SLC14A2: variants seen among roughly 807,000 people sequenced by gnomAD.
The protein encoded by SLC14A2 is urea transporter 2.
In SLC14A2, 91 loss-of-function variants were observed where a neutral mutation model predicts 104.6. The ratio of observed to expected loss-of-function variants is 0.87; its 90% CI spans 0.73 to 1.04. SLC14A2 has a LOEUF of 1.04. SLC14A2 is among the 50% of genes least tolerant of loss of function. SLC14A2 has a pLI of 0.00. For synonymous variants in SLC14A2, 476 were observed against 466.4 expected, an observed-to-expected ratio of 1.02 and a Z score of -0.27; for missense variants, 1,189 against 1,156.0, an observed-to-expected ratio of 1.03 and a Z score of -0.41.
chr18:45,603,602 A>G (rs1254453004), intron 2 of SLC14A2, among the ~76,000 whole-genome samples: 2 of 151,930 alleles, frequency 1.3e-5, no homozygotes, highest in African/African-American at 2.4e-5. Context: ...AGCCTTTTCT[A>G]TTCTCCTCCC....
chr18:45,500,300 G>A (rs373265899), intron 2 of SLC14A2, among the ~76,000 whole-genome samples: 7 of 152,116 alleles, frequency 4.6e-5, no homozygotes, highest in African/African-American at 7.2e-5. Context: ...CCCTTAGGCC[G>A]GGCGCGGTGG....
intron 1 of SLC14A2, among the ~76,000 whole-genome samples, chr18:45,236,153 G>A (rs1274920556): frequency 5.4e-5 from 3 of 55,214 alleles, no homozygotes; most frequent in African/African-American, 9.4e-5. Context: ...ATACATATAT[G>A]TGTGTATATA....
At chr18:45,397,644 G>T (rs572792704) in intron 1 of SLC14A2, among the ~76,000 whole-genome samples, 37 of 152,008 alleles carry the variant, frequency 2.4e-4, no homozygotes, top group Non-Finnish European at 4.9e-4. Flanking sequence ...AGTTTCTTTG[G>T]CTGTGCAGAA....
upstream of SLC14A2, chr18:45,615,286 G>A (rs1249349810): frequency 1.3e-5 from 2 of 152,188 alleles, no homozygotes; most frequent in Non-Finnish European, 2.9e-5. Context: ...AGAATGATAT[G>A]GTTTGGCTCT....
intron 2 of SLC14A2, among the ~76,000 whole-genome samples, chr18:45,504,980 A>G (rs897571422): frequency 6.6e-6 from 1 of 152,224 alleles, no homozygotes; most frequent in African/African-American, 2.4e-5. Context: ...AGATTTGGGA[A>G]AGAATCTGCT....
rs1174554159 is a variant in SLC14A2, at chr18:45,228,098, T to C, written c.-125+14907T>C. ...CTGTAAGACAAGAGAGAATCTTCCA[T>C]TGATTAAAGGGATTAAGGGTAAGAG... On this transcript the variant is annotated intron_variant, in intron 1 of 20. Transcript: ENST00000586448. Among the ~76,000 whole-genome samples the C allele has an allele frequency of 9.2e-5, 14 of 152,294 alleles. No individual in the cohort carries two copies. In the East Asian group the frequency reaches 2.5e-3, roughly 27 times the overall value.
At chr18:45,464,883 A>G (rs1009852505) in intron 1 of SLC14A2, among the ~76,000 whole-genome samples, 1 of 152,078 alleles carries the variant, frequency 6.6e-6, no homozygotes, top group East Asian at 1.9e-4. Flanking sequence ...CAGGAGAGAG[A>G]TGGTGGAGGT....
chr18:45,197,537 T>C, the SLC14A2 span, among the ~76,000 whole-genome samples: 2 of 152,230 alleles, frequency 1.3e-5, no homozygotes, highest in African/African-American at 4.8e-5. Context: ...AATTTGTGTT[T>C]GTGACAGTCT....
At chr18:45,352,356 T>G (rs1437062378) in intron 1 of SLC14A2, among the ~76,000 whole-genome samples, 1 of 152,200 alleles carries the variant, frequency 6.6e-6, no homozygotes, top group African/African-American at 2.4e-5. Flanking sequence ...CAAGTTTTCC[T>G]CTTTTAGGTA....
chr18:45,297,504 G>A (rs1017247948), intron 1 of SLC14A2, among the ~76,000 whole-genome samples: 2 of 152,182 alleles, frequency 1.3e-5, no homozygotes, highest in Non-Finnish European at 2.9e-5. Flanking sequence ...TGGGTGCTCC[G>A]CACTGGAAGT....
the SLC14A2 span, among the ~76,000 whole-genome samples, chr18:45,189,482 T>C: frequency 6.6e-6 from 1 of 152,214 alleles, no homozygotes; most frequent in Non-Finnish European, 1.5e-5. Context: ...ATATAGCCTA[T>C]GGAGAAACTG....
chr18:45,558,085 A>G (rs373889919), intron 2 of SLC14A2, among the ~76,000 whole-genome samples: 1 of 152,020 alleles, frequency 6.6e-6, no homozygotes, highest in East Asian at 1.9e-4. Flanking sequence ...CTGGTCCTTC[A>G]TCTACCTTTC....
chr18:45,450,897 G>A (rs7228201), intron 1 of SLC14A2, among the ~76,000 whole-genome samples: 33,222 of 152,062 alleles, frequency 0.22, 6,315 homozygotes, highest in African/African-American at 0.5. Flanking sequence ...CCATCATTTA[G>A]CCAGCTGCTA....
intron 18 of SLC14A2, among the ~76,000 whole-genome samples, chr18:45,675,665 C>A (rs2046212683): frequency 6.9e-6 from 1 of 144,534 alleles, no homozygotes. Context: ...TAGGCATGCA[C>A]CACCATGCCC....
chr18:45,212,533 G>A (rs75877631), upstream of SLC14A2, among the ~76,000 whole-genome samples: 1,227 of 152,296 alleles, frequency 8.1e-3, 24 homozygotes, highest in African/African-American at 0.028. Flanking sequence ...CGCAAGAGAA[G>A]CTAATCCCCC....
intron 1 of SLC14A2, among the ~76,000 whole-genome samples, chr18:45,368,560 G>C (rs997428847): frequency 6.6e-6 from 1 of 152,162 alleles, no homozygotes; most frequent in Non-Finnish European, 1.5e-5. Flanking sequence ...CGTTTCCCTT[G>C]TTAAGCATTT....
upstream of SLC14A2, among the ~76,000 whole-genome samples, chr18:45,611,361 G>C (rs1351044720): frequency 6.6e-6 from 1 of 152,126 alleles, no homozygotes; most frequent in Non-Finnish European, 1.5e-5. Flanking sequence ...GCAGGAAAAG[G>C]GGATCAAGGT....
chr18:45,535,036 C>A (rs1598972736), intron 2 of SLC14A2, among the ~76,000 whole-genome samples: 1 of 152,312 alleles, frequency 6.6e-6, no homozygotes, highest in Middle Eastern at 3.4e-3. Context: ...GTCTGTAATT[C>A]TTGCCCACTT....
chr18:45,294,492 G>A (rs2084901424), intron 1 of SLC14A2, among the ~76,000 whole-genome samples: 1 of 152,174 alleles, frequency 6.6e-6, no homozygotes, highest in South Asian at 2.1e-4. Flanking sequence ...ATCTCACTCA[G>A]TTATCTTCTA....
Sources: allele counts gnomAD v4.1 joint callset (sites outside exome capture counted in the v4.1 genomes callset), GRCh38; gene constraint gnomAD v4.1.1; transcripts MANE v1.5; gene names NCBI Gene and HGNC (gene_info 2026-07-23, HGNC 2026-07-21).